The following QTGAL variants were observed in gnomAD, a reference collection of about 807,000 sequenced individuals.
The protein encoded by QTGAL is queuosine-tRNA galactosyltransferase.
At chr17:83,010,750 T>C in the QTGAL span, among the ~76,000 whole-genome samples, 1 of 152,216 alleles carries the variant, frequency 6.6e-6, no homozygotes, top group South Asian at 2.1e-4. Context: ...CCGTGCCGTC[T>C]GGATGATTAT....
At chr17:83,020,695 C>T in the QTGAL span, among the ~76,000 whole-genome samples, 4 of 152,280 alleles carry the variant, frequency 2.6e-5, no homozygotes, top group Admixed American at 2.0e-4. Flanking sequence ...ATTTCTAAAA[C>T]CAGCGTCTCA....
chr17:82,969,049 G>A, the QTGAL span, among the ~76,000 whole-genome samples: 3 of 151,192 alleles, frequency 2.0e-5, no homozygotes, highest in Admixed American at 1.3e-4. Context: ...CAGGAGAATC[G>A]CTTGAACCCA....
chr17:83,025,090 TAACTC>T, the QTGAL span, among the ~76,000 whole-genome samples: 4 of 152,026 alleles, frequency 2.6e-5, no homozygotes, highest in Admixed American at 6.5e-5. Context: ...TAACTAATGA[TAACTC>T]AAATAAAACA....
the QTGAL span, among the ~76,000 whole-genome samples, chr17:82,992,647 G>A: frequency 6.6e-6 from 1 of 152,124 alleles, no homozygotes; most frequent in Non-Finnish European, 1.5e-5. Flanking sequence ...CTGCTAATAT[G>A]AGTACACAGA....
the QTGAL span, among the ~76,000 whole-genome samples, chr17:83,051,581 C>T: frequency 3.3e-5 from 5 of 152,150 alleles, no homozygotes; most frequent in Non-Finnish European, 5.9e-5. Flanking sequence ...CGCTCGCCCG[C>T]GGGGCCTAAG....
chr17:82,967,307 T>C, the QTGAL span, among the ~76,000 whole-genome samples: 1 of 152,204 alleles, frequency 6.6e-6, no homozygotes, highest in Non-Finnish European at 1.5e-5. Context: ...TGTACGTTCC[T>C]GGAGGTGCTG....
At chr17:82,979,077 G>C in the QTGAL span, among the ~76,000 whole-genome samples, 17 of 151,868 alleles carry the variant, frequency 1.1e-4, no homozygotes, top group Non-Finnish European at 1.8e-4. Context: ...AAACCACAAA[G>C]GAAGAGCAAA....
the QTGAL span, among the ~76,000 whole-genome samples, chr17:83,027,843 G>A: frequency 1.3e-5 from 2 of 152,132 alleles, no homozygotes; most frequent in African/African-American, 4.8e-5. Flanking sequence ...GCCAGGTGTG[G>A]TGGCTCACGC....
the QTGAL span, among the ~76,000 whole-genome samples, chr17:83,000,705 C>T: frequency 1.3e-4 from 20 of 152,182 alleles, no homozygotes; most frequent in Admixed American, 1.0e-3. Context: ...CAAATTGTTA[C>T]ACATCTCCAA....
At chr17:82,961,707 C>A in the QTGAL span, among the ~76,000 whole-genome samples, 2 of 152,238 alleles carry the variant, frequency 1.3e-5, no homozygotes, top group Non-Finnish European at 2.9e-5. Flanking sequence ...GCCCTGCTCA[C>A]TTGTCCAAGC....
At chr17:82,992,240 C>T in the QTGAL span, among the ~76,000 whole-genome samples, 16 of 152,110 alleles carry the variant, frequency 1.1e-4, no homozygotes, top group Non-Finnish European at 2.1e-4. Context: ...AAGAAGACTA[C>T]CTCAAGGCAT....
chr17:83,007,306 T>A, the QTGAL span: 1 of 983,974 alleles, frequency 1.0e-6, no homozygotes. Flanking sequence ...CCACACCCAA[T>A]CTGACCGAGA....
At chr17:83,024,284 G>A in the QTGAL span, among the ~76,000 whole-genome samples, 4 of 152,326 alleles carry the variant, frequency 2.6e-5, no homozygotes, top group African/African-American at 7.2e-5. Context: ...TCCGCCCGGG[G>A]TCCTCCAGGC....
chr17:83,049,470 T>C, the QTGAL span, among the ~76,000 whole-genome samples: 2 of 147,674 alleles, frequency 1.4e-5, no homozygotes, highest in African/African-American at 5.0e-5. Flanking sequence ...TGGAGTGCAG[T>C]GGCTCGATCT....
chr17:82,997,013 A>G, the QTGAL span, among the ~76,000 whole-genome samples: 1,849 of 152,378 alleles, frequency 0.012, 43 homozygotes, highest in African/African-American at 0.042. Context: ...AAGACCCCAC[A>G]AGCACAGGCA....
At chr17:82,992,005 A>G in the QTGAL span, among the ~76,000 whole-genome samples, 1 of 152,148 alleles carries the variant, frequency 6.6e-6, no homozygotes, top group Non-Finnish European at 1.5e-5. Context: ...GAAAATACAT[A>G]GTCAGAGAAG....
the QTGAL span, among the ~76,000 whole-genome samples, chr17:83,018,833 G>C: frequency 6.6e-6 from 1 of 152,216 alleles, no homozygotes; most frequent in African/African-American, 2.4e-5. Context: ...CAGGGCTGGG[G>C]CGAGGCTCTC....
chr17:82,962,447 G>A, the QTGAL span, among the ~76,000 whole-genome samples: 3 of 151,520 alleles, frequency 2.0e-5, no homozygotes, highest in Admixed American at 1.3e-4. Flanking sequence ...TGTCTCACAC[G>A]GGTGATTTAG....
chr17:82,993,504 C>A, the QTGAL span, among the ~76,000 whole-genome samples: 1 of 151,860 alleles, frequency 6.6e-6, no homozygotes, highest in Non-Finnish European at 1.5e-5. Context: ...AAGAGATAGA[C>A]CCTCAATATA....
Sources: gnomAD v4.1 joint callset for allele counts (sites outside exome capture counted in the v4.1 genomes callset) on GRCh38, gnomAD v4.1.1 for gene constraint, MANE v1.5 for transcripts, NCBI Gene and HGNC (gene_info 2026-07-23, HGNC 2026-07-21) for gene names.